Variants in ANKRD30A observed in about 807,000 individuals in gnomAD.
The protein encoded by ANKRD30A is ankyrin repeat domain 30A, also known as ankyrin repeat domain-containing protein 30A.
ANKRD30A carries 170 observed loss-of-function variants against 166.3 expected under a neutral mutation model. The observed-to-expected ratio is 1.02, with a 90% confidence interval of 0.90 to 1.16. ANKRD30A has a LOEUF of 1.16. Ranked by LOEUF, ANKRD30A falls within the 50% of genes most tolerant of loss-of-function variation. The pLI, the probability that ANKRD30A is intolerant of heterozygous loss-of-function variation, is 0.00. For synonymous variants in ANKRD30A, 564 were observed against 508.9 expected (o/e 1.11, Z -1.46); for missense variants, 1,630 against 1,518.0 (o/e 1.07, Z -1.23).
At position 37,232,212 on chromosome 10, in the gene ANKRD30A, GT is replaced by G. The variant is rs1843439884; in HGVS notation, c.*212-283del. Among the ~76,000 whole-genome samples the G allele has an allele frequency of 2.0e-5, 3 of 151,290 alleles. No individual in the cohort carries two copies. In the East Asian group the frequency reaches 5.8e-4, roughly 29 times the overall value. On this transcript the variant is annotated intron_variant, in intron 35 of 35. Coordinates refer to ENST00000361713, the MANE Select transcript of ANKRD30A (RefSeq NM_052997.3). ...TGGAACACTTAAATGATTCATTTTTGTTTTGTTTTAAAGCTAAAAGTCTTGT... is the reference window on the plus strand; with the variant it reads ...TGGAACACTTAAATGATTCATTTTTGTTTGTTTTAAAGCTAAAAGTCTTGT...
At chr10:37,154,725 A>G (rs1396026324) in intron 13 of ANKRD30A, among the ~76,000 whole-genome samples, 1 of 152,186 alleles carries the variant, frequency 6.6e-6, no homozygotes, top group Non-Finnish European at 1.5e-5. Flanking sequence ...GAGAGAAGCC[A>G]GCTAGATGAT....
intron 34 of ANKRD30A, among the ~76,000 whole-genome samples, chr10:37,226,360 T>A (rs1018526015): frequency 6.8e-6 from 1 of 147,722 alleles, no homozygotes; most frequent in Non-Finnish European, 1.5e-5. Flanking sequence ...CATGCGGCGT[T>A]TGGTTTTTTG....
intron 18 of ANKRD30A, among the ~76,000 whole-genome samples, chr10:37,165,670 A>G (rs556039532): frequency 6.6e-6 from 1 of 152,110 alleles, no homozygotes; most frequent in South Asian, 2.1e-4. Flanking sequence ...AGCATGAGGA[A>G]TAGGAAACCT....
At chr10:37,215,971 T>C (rs1395226451) in intron 31 of ANKRD30A, among the ~76,000 whole-genome samples, 2 of 151,384 alleles carry the variant, frequency 1.3e-5, no homozygotes, top group Non-Finnish European at 3.0e-5. Flanking sequence ...TTGTCACTTT[T>C]CTGGGGCTTT....
At chr10:37,141,222 T>C (rs1022143213) in intron 6 of ANKRD30A, among the ~76,000 whole-genome samples, 33 of 152,166 alleles carry the variant, frequency 2.2e-4, no homozygotes, top group African/African-American at 7.7e-4. Flanking sequence ...ATGTCGTTAC[T>C]GTATTCAGCA....
Position 37,219,658 on chromosome 10 carries a change from CA to C in ANKRD30A, c.3947del (p.Gln1316ArgfsTer4). On this transcript the variant is annotated frameshift_variant, in exon 34 of 36. Transcript: ENST00000361713. LOFTEE classifies it high-confidence loss of function. The stretch of plus-strand genomic sequence containing the variant: ...TAATGTGAACAAACACACTGAACAG[CA>C]GGAGTCTCTAGATCAGAAATTATTT... ...QDNVNKHTEQ[Q>X]ESLDQKLFQL... 6.2e-7 allele frequency: 1 copy of C among 1,609,718 alleles called. No homozygotes were observed. The highest frequency in any genetic ancestry group is 8.5e-7 in the Non-Finnish European group (1 of 1,177,396).
intron 13 of ANKRD30A, among the ~76,000 whole-genome samples, chr10:37,156,540 CT>C (rs771603598): frequency 6.6e-6 from 1 of 152,138 alleles, no homozygotes; most frequent in Non-Finnish European, 1.5e-5. Flanking sequence ...CTCACCTTTA[CT>C]GTTTCATCTC....
In ANKRD30A at chr10:37,199,698, T is replaced by C. The variant is rs535660101; in HGVS notation, c.2717-29T>C. On this transcript the variant is annotated intron_variant, in intron 29 of 35. Coordinates refer to ENST00000361713, the MANE Select transcript of ANKRD30A (RefSeq NM_052997.3). ...AATGTATAGTAGAGAAATGTTCTCA[T>C]GAATGTATCTGTGATTAACCTTTTA... is the stretch of plus-strand genomic sequence containing the variant. The C allele has an allele frequency of 5.4e-5, 77 of 1,416,822 alleles. No homozygotes were observed. The African/African-American group carries it at 9.7e-4, about 18-fold the overall frequency. 87.8% of individuals were successfully genotyped at this position (1,416,822 alleles called of 1,614,324 possible). A position where few individuals can be genotyped will look rare whatever the true frequency, so the allele number is the denominator to read the frequency against.
chr10:37,155,874 G>A (rs565689832), intron 13 of ANKRD30A, among the ~76,000 whole-genome samples: 1 of 152,116 alleles, frequency 6.6e-6, no homozygotes, highest in African/African-American at 2.4e-5. Flanking sequence ...AAGGTTAGGA[G>A]ATCCAGACCA....
chr10:37,164,996 A>T, intron 17 of ANKRD30A, 98 bp from the exon 18 acceptor site: 1 of 1,300,984 alleles, frequency 7.7e-7, no homozygotes, highest in South Asian at 1.2e-5. Context: ...ACAGAGGAAA[A>T]TCCACAGATT....
At chr10:37,156,991 A>C (rs1838431350) in intron 13 of ANKRD30A, among the ~76,000 whole-genome samples, 1 of 152,226 alleles carries the variant, frequency 6.6e-6, no homozygotes, top group Non-Finnish European at 1.5e-5. Context: ...TTATTGATCA[A>C]TGATCTCTCA....
chr10:37,237,119 G>A (rs576697982), downstream of ANKRD30A, among the ~76,000 whole-genome samples: 4 of 152,244 alleles, frequency 2.6e-5, no homozygotes, highest in African/African-American at 9.6e-5. Context: ...CATTTTCTCT[G>A]AGTTATATTT....
At chr10:37,251,406 C>G in the ANKRD30A span, among the ~76,000 whole-genome samples, 2 of 152,122 alleles carry the variant, frequency 1.3e-5, no homozygotes, top group East Asian at 3.9e-4. Context: ...TTGAGACAAA[C>G]TGGGGTGCTG....
intron 25 of ANKRD30A, among the ~76,000 whole-genome samples, chr10:37,192,811 C>A (rs1588888900): frequency 6.6e-6 from 1 of 151,522 alleles, no homozygotes; most frequent in East Asian, 1.9e-4. Flanking sequence ...TAGTTATTGT[C>A]ACCTTAAATA....
At chr10:37,156,551 C>T (rs1050395306) in intron 13 of ANKRD30A, among the ~76,000 whole-genome samples, 1 of 152,086 alleles carries the variant, frequency 6.6e-6, no homozygotes, top group Non-Finnish European at 1.5e-5. Context: ...TGTTTCATCT[C>T]TGCGTGTTTT....
At chr10:37,156,195 TTAAGTG>T (rs928312578) in intron 13 of ANKRD30A, among the ~76,000 whole-genome samples, 5 of 152,302 alleles carry the variant, frequency 3.3e-5, no homozygotes, top group African/African-American at 9.6e-5. Flanking sequence ...AAGCCTTTGT[TTAAGTG>T]TATGTCCTAC....
chr10:37,248,056 G>A, the ANKRD30A span: 6 of 419,762 alleles, frequency 1.4e-5, no homozygotes, highest in African/African-American at 8.2e-5. Flanking sequence ...GTGGTAGAAG[G>A]GAACACTGAA....
intron 31 of ANKRD30A, among the ~76,000 whole-genome samples, chr10:37,215,176 G>T (rs1438065129): frequency 6.6e-6 from 1 of 151,246 alleles, no homozygotes; most frequent in Non-Finnish European, 1.5e-5. Flanking sequence ...GCTTTTTATG[G>T]TATGAGCTAA....
At chr10:37,154,032 TTAGGA>T (rs1280653404) in intron 13 of ANKRD30A, among the ~76,000 whole-genome samples, 1 of 152,072 alleles carries the variant, frequency 6.6e-6, no homozygotes, top group Non-Finnish European at 1.5e-5. Context: ...AAATGATTCT[TTAGGA>T]AAAGATTGGG....
Sources: gnomAD v4.1 joint callset for allele counts (sites outside exome capture counted in the v4.1 genomes callset) on GRCh38, gnomAD v4.1.1 for gene constraint, MANE v1.5 for transcripts, NCBI Gene and HGNC (gene_info 2026-07-23, HGNC 2026-07-21) for gene names.